The following DAB1 variants were observed in gnomAD, a reference collection of about 807,000 sequenced individuals.
DAB1 encodes the protein disabled homolog 1.
DAB1 carries 15 observed loss-of-function variants against 64.6 expected under a neutral mutation model. The observed-to-expected ratio is 0.23, with a 90% CI of 0.16 to 0.36. The LOEUF is 0.36. DAB1 is among the 10% of genes least tolerant of loss of function. The pLI, the probability that DAB1 is intolerant of heterozygous loss-of-function variation, is 1.00. For synonymous variants in DAB1, 235 were observed against 251.9 expected, an observed-to-expected ratio of 0.93 and a Z score of 0.64; for missense variants, 596 against 706.7, an observed-to-expected ratio of 0.84 and a Z score of 1.78.
At chr1:57,853,325 T>C (rs552736314) in intron 1 of DAB1, among the ~76,000 whole-genome samples, 3 of 150,914 alleles carry the variant, frequency 2.0e-5, no homozygotes, top group African/African-American at 4.9e-5. Flanking sequence ...CAGGAGAAGG[T>C]AGTTAGCTAA....
intron 7 of DAB1, among the ~76,000 whole-genome samples, chr1:57,522,238 C>T (rs1644536451): frequency 6.6e-6 from 1 of 152,112 alleles, no homozygotes; most frequent in South Asian, 2.1e-4. Flanking sequence ...ATATACAGAA[C>T]AGTTAGACAG....
In DAB1 at chr1:57,529,574, T is replaced by C. The variant is rs555895132; in HGVS notation, n.625+120018A>G. Among the ~76,000 whole-genome samples the C allele has an allele frequency of 2.6e-4, 40 of 152,264 alleles. No individual in the cohort carries two copies. In the South Asian group the frequency reaches 8.3e-3, roughly 32 times the overall value. The stretch of plus-strand genomic sequence containing the variant: ...CACTAAACAAAATATGTTGTGACTA[T>C]ATTAATACCTGACACAATAGATTTC... On this transcript the variant is annotated intron_variant and non_coding_transcript_variant, in intron 7 of 20. Coordinates refer to the DAB1 transcript ENST00000485760.
At chr1:58,455,749 C>A (rs1206911895) in intron 3 of DAB1, among the ~76,000 whole-genome samples, 1 of 152,206 alleles carries the variant, frequency 6.6e-6, no homozygotes, top group Non-Finnish European at 1.5e-5. Flanking sequence ...CAAATATATC[C>A]TCTAATTGGA....
At chr1:57,300,665 G>A (rs143927477) in intron 1 of DAB1, among the ~76,000 whole-genome samples, 2 of 152,288 alleles carry the variant, frequency 1.3e-5, no homozygotes, top group Non-Finnish European at 2.9e-5. Context: ...CCAGTGAGGC[G>A]CTTGAAACGG....
rs373989067 is a variant in DAB1 at position 57,073,331 on chromosome 1, A to G, written c.307-917T>C. Among the ~76,000 whole-genome samples the G allele has an allele frequency of 3.9e-5, 6 of 152,154 alleles. No homozygotes were observed. In the East Asian group the frequency reaches 9.6e-4, roughly 24 times the overall value. On this transcript the variant is annotated intron_variant, in intron 4 of 14. Coordinates refer to ENST00000371236, the MANE Select transcript of DAB1 (RefSeq NM_001365792.1). Reference sequence around the variant, plus strand: ...CTCTGTCATCCTAGCACCTTGCACTATGCCTGGCCTATAGTTGTTGAACTA... The same window carrying G: ...CTCTGTCATCCTAGCACCTTGCACTGTGCCTGGCCTATAGTTGTTGAACTA...
chr1:58,345,729 C>G (rs1643988709), intron 3 of DAB1, among the ~76,000 whole-genome samples: 1 of 152,098 alleles, frequency 6.6e-6, no homozygotes, highest in Admixed American at 6.5e-5. Context: ...TCCCTCGTGC[C>G]TAAGAGGACC....
In DAB1 at chr1:57,233,255, CTTTTT is replaced by C. The variant is rs1186221366; in HGVS notation, c.67+57704_67+57708del. Among the ~76,000 whole-genome samples, 17 of 60,806 alleles carry C rather than the reference CTTTTT, an allele frequency of 2.8e-4. No homozygotes were observed. The South Asian group carries it at 7.2e-3, about 26-fold the overall frequency. 39.9% of individuals were successfully genotyped at this position (60,806 alleles called of 152,430 possible). A position where few individuals can be genotyped will look rare whatever the true frequency, so the allele number is the denominator to read the frequency against. On this transcript the variant is annotated intron_variant, in intron 2 of 14. Transcript: ENST00000371236. ...TGCAGCTTCAAGCTTTGCTCCGATTCTTTTTTTTTTTTTTTTTTTTTTTTTGAGAC... is the reference window on the plus strand; with the variant it reads ...TGCAGCTTCAAGCTTTGCTCCGATTCTTTTTTTTTTTTTTTTTTTTGAGAC...
chr1:57,932,207 G>C (rs917982863), intron 5 of DAB1, among the ~76,000 whole-genome samples: 3 of 152,052 alleles, frequency 2.0e-5, no homozygotes, highest in African/African-American at 4.8e-5. Flanking sequence ...TCGATTGTAT[G>C]ATTTTCATTC....
intron 5 of DAB1, among the ~76,000 whole-genome samples, chr1:58,027,879 G>T (rs112380419): frequency 3.3e-5 from 5 of 152,188 alleles, no homozygotes; most frequent in Non-Finnish European, 7.3e-5. Context: ...AATGCAGAAA[G>T]AATTAAGCAT....
At chr1:58,469,457 G>T (rs563025486) in intron 3 of DAB1, among the ~76,000 whole-genome samples, 1 of 152,044 alleles carries the variant, frequency 6.6e-6, no homozygotes, top group South Asian at 2.1e-4. Flanking sequence ...TAGGGGAAAA[G>T]AAATCTTTTC....
chr1:57,936,600 G>A (rs941148214), intron 5 of DAB1, among the ~76,000 whole-genome samples: 6 of 151,750 alleles, frequency 4.0e-5, no homozygotes, highest in Admixed American at 1.3e-4. Flanking sequence ...ATGGGATTTC[G>A]CCATGTTGGC....
At chr1:58,527,233 A>T (rs777030623) in intron 2 of DAB1, 5 of 868,758 alleles carry the variant, frequency 5.8e-6, no homozygotes, top group Non-Finnish European at 1.0e-5. Context: ...GAAGGGCATT[A>T]TGTATTCTCA....
At chr1:57,392,244 A>T (rs550196981) in intron 1 of DAB1, among the ~76,000 whole-genome samples, 3 of 152,252 alleles carry the variant, frequency 2.0e-5, no homozygotes, top group African/African-American at 7.2e-5. Flanking sequence ...ATGGTGGCAC[A>T]TGCCTGTAGT....
intron 3 of DAB1, among the ~76,000 whole-genome samples, chr1:58,373,066 T>C (rs1210801702): frequency 3.3e-5 from 5 of 152,290 alleles, no homozygotes; most frequent in South Asian, 2.1e-4. Flanking sequence ...GAGTATTTCT[T>C]ACTACTTTTT....
At chr1:57,327,570 C>T (rs1676277610) in intron 1 of DAB1, among the ~76,000 whole-genome samples, 1 of 152,144 alleles carries the variant, frequency 6.6e-6, no homozygotes, top group East Asian at 1.9e-4. Flanking sequence ...TTAGCTCTGC[C>T]ATGGTAGATG....
chr1:58,453,013 G>A (rs1406213028), intron 3 of DAB1, among the ~76,000 whole-genome samples: 2 of 152,192 alleles, frequency 1.3e-5, no homozygotes, highest in African/African-American at 2.4e-5. Context: ...GAAACAATGC[G>A]GCGTGGATAA....
chr1:57,664,281 G>A (rs1646421382), intron 6 of DAB1, among the ~76,000 whole-genome samples: 1 of 152,084 alleles, frequency 6.6e-6, no homozygotes, highest in Admixed American at 6.5e-5. Context: ...GCAAATAAGG[G>A]ATTTTTCAAA....
intron 6 of DAB1, among the ~76,000 whole-genome samples, chr1:57,707,745 CCTT>C (rs1422620841): frequency 6.6e-6 from 1 of 152,126 alleles, no homozygotes; most frequent in Non-Finnish European, 1.5e-5. Context: ...TTGTACTCAT[CCTT>C]CTTAAGAGGG....
chr1:57,877,967 T>C (rs1341162970), intron 1 of DAB1, among the ~76,000 whole-genome samples: 6 of 152,206 alleles, frequency 3.9e-5, no homozygotes, highest in African/African-American at 1.2e-4. Flanking sequence ...TATCCTGCTA[T>C]GTAGAGAGGT....
Sources: gnomAD v4.1 joint callset for allele counts (sites outside exome capture counted in the v4.1 genomes callset) on GRCh38, gnomAD v4.1.1 for gene constraint, MANE v1.5 for transcripts, NCBI Gene and HGNC (gene_info 2026-07-23, HGNC 2026-07-21) for gene names.